Variants in PKD1L3 observed in about 807,000 individuals in gnomAD.
PKD1L3 encodes polycystin-1-like protein 3.
A neutral mutation model predicts 184.1 loss-of-function variants in PKD1L3; 239 were observed. That is an observed-to-expected ratio of 1.30 (90% CI 1.17 to 1.45). The LOEUF (loss-of-function observed/expected upper bound fraction) is 1.45. Ranked by LOEUF, PKD1L3 falls within the 40% of genes most tolerant of loss-of-function variation. PKD1L3 has a pLI of 0.00. For synonymous variants in PKD1L3, 996 were observed against 778.8 expected, an observed-to-expected ratio of 1.28 and a Z score of -4.64; for missense variants, 2,660 against 2,067.2, an observed-to-expected ratio of 1.29 and a Z score of -5.56.
At chr16:71,985,173 T>G (rs547897969) in intron 5 of PKD1L3, among the ~76,000 whole-genome samples, 1 of 152,320 alleles carries the variant, frequency 6.6e-6, no homozygotes, top group Non-Finnish European at 1.5e-5. Context: ...TTTTAGATAT[T>G]CTGTACTTCA....
chr16:71,976,378 C>G lies in PKD1L3; in HGVS notation c.1759+858G>C, dbSNP rs2039926022. On this transcript the variant is annotated intron_variant, in intron 11 of 29. Transcript: ENST00000620267. ...TTAAGCAATTCTTCTGCCTCAGCCT[C>G]CCAAGTAGCTGGGATTACAGGTGCC... is the stretch of plus-strand genomic sequence containing the variant. 2.7e-5 allele frequency among the ~76,000 whole-genome samples: 4 copies of G among 149,650 alleles called. No individual in the cohort carries two copies. In the Admixed American group the frequency reaches 2.7e-4, roughly 10 times the overall value.
At chr16:71,951,827 C>A (rs2038846394) in intron 18 of PKD1L3, 83 bp from the exon 19 acceptor site, 2 of 1,285,056 alleles carry the variant, frequency 1.6e-6, no homozygotes, top group South Asian at 1.5e-5. Flanking sequence ...TAAGGCCGTT[C>A]CCTTTCGTCA....
chr16:71,977,208 A>C (rs1240730777), intron 11 of PKD1L3, 28 bp downstream of exon 11: 8 of 1,453,180 alleles, frequency 5.5e-6, no homozygotes. Context: ...AAATCAAAGT[A>C]AGTTTCTGAC....
intron 19 of PKD1L3, 85 bp from the exon 20 acceptor site, chr16:71,950,395 G>C (rs1358552164): frequency 1.7e-6 from 2 of 1,207,048 alleles, no homozygotes; most frequent in Non-Finnish European, 2.3e-6. Flanking sequence ...TTCATTGATG[G>C]ATGATGAGGC....
chr16:71,936,704 C>G (rs1394425089), intron 25 of PKD1L3, among the ~76,000 whole-genome samples: 1 of 151,884 alleles, frequency 6.6e-6, no homozygotes, highest in Non-Finnish European at 1.5e-5. Flanking sequence ...CCAGGCTGGT[C>G]TCGAACTCCC....
At chr16:71,949,379 G>A (rs1597303366) in intron 21 of PKD1L3, among the ~76,000 whole-genome samples, 2 of 147,978 alleles carry the variant, frequency 1.4e-5, no homozygotes, top group Non-Finnish European at 3.0e-5. Context: ...TTGAGACAGG[G>A]TCTCACTCTG....
intron 15 of PKD1L3, among the ~76,000 whole-genome samples, chr16:71,966,213 A>T (rs2039496754): frequency 6.6e-6 from 1 of 151,968 alleles, no homozygotes. Context: ...TTTTTTCCTA[A>T]CTCCAAGGAA....
At chr16:71,968,596 G>T (rs150206899) in intron 13 of PKD1L3, among the ~76,000 whole-genome samples, 20 of 152,188 alleles carry the variant, frequency 1.3e-4, no homozygotes, top group Admixed American at 5.9e-4. Context: ...GTATATTATA[G>T]TTATATTCTT....
At chr16:71,945,394 ATATATTTATTTATT>A (rs756814836) in intron 22 of PKD1L3, among the ~76,000 whole-genome samples, 6 of 98,788 alleles carry the variant, frequency 6.1e-5, no homozygotes, top group Non-Finnish European at 1.0e-4. Context: ...ATATATATAT[ATATATTTATTTATT>A]TATTTATTTA....
At chr16:71,945,024 C>T (rs1002317250) in intron 22 of PKD1L3, among the ~76,000 whole-genome samples, 1 of 150,180 alleles carries the variant, frequency 6.7e-6, no homozygotes. Context: ...AAAATACAAG[C>T]CCTGTTTTTG....
intron 21 of PKD1L3, among the ~76,000 whole-genome samples, chr16:71,947,911 A>T (rs190912239): frequency 1.1e-3 from 153 of 137,250 alleles, no homozygotes; most frequent in Non-Finnish European, 1.8e-3. Flanking sequence ...TCTGATAAAG[A>T]TCCAGACTCT....
chr16:71,944,723 G>A (rs1033452748), intron 22 of PKD1L3, among the ~76,000 whole-genome samples: 30 of 62,116 alleles, frequency 4.8e-4, no homozygotes, highest in Admixed American at 3.4e-3. Context: ...TTTTTGAGAC[G>A]GAGTCTCACT....
At chr16:71,976,621 A>G (rs1342413939) in intron 11 of PKD1L3, among the ~76,000 whole-genome samples, 1 of 152,126 alleles carries the variant, frequency 6.6e-6, no homozygotes, top group Admixed American at 6.5e-5. Context: ...AATTTTTTTA[A>G]AAAAGAAAAA....
chr16:71,959,708 G>A (rs2039196462), intron 16 of PKD1L3, among the ~76,000 whole-genome samples: 1 of 152,000 alleles, frequency 6.6e-6, no homozygotes, highest in African/African-American at 2.4e-5. Flanking sequence ...AAAATTAAAA[G>A]TAACCAATAA....
At chr16:71,953,594 C>T (rs2038932970) in intron 17 of PKD1L3, among the ~76,000 whole-genome samples, 1 of 152,232 alleles carries the variant, frequency 6.6e-6, no homozygotes, top group Admixed American at 6.5e-5. Context: ...GGAACTGCCA[C>T]ACACTTTTTT....
rs540861371 is a variant in PKD1L3 at position 71,962,908 on chromosome 16, C to G, written c.2612+297G>C. Among the ~76,000 whole-genome samples, 64 of 152,206 alleles carry G rather than the reference C, an allele frequency of 4.2e-4. No individual in the cohort carries two copies. In the South Asian group the frequency reaches 6.2e-3, roughly 15 times the overall value. On this transcript the variant is annotated intron_variant, in intron 16 of 29. Coordinates refer to ENST00000620267, the MANE Select transcript of PKD1L3 (RefSeq NM_181536.2). ...GGTATCCTTTTTATATTCCATTGAT[C>G]TGAGTGATTCTTTTATTCCTAGATA...
At chr16:71,956,771 C>T (rs1396821407) in intron 16 of PKD1L3, among the ~76,000 whole-genome samples, 2 of 152,180 alleles carry the variant, frequency 1.3e-5, no homozygotes, top group East Asian at 3.8e-4. Context: ...TATACTACTA[C>T]TGCACTACAC....
chr16:71,986,110 C>T (rs1021880078), intron 5 of PKD1L3, 111 bp downstream of exon 5: 51 of 1,373,922 alleles, frequency 3.7e-5, no homozygotes, highest in East Asian at 1.8e-4. Context: ...TTGGCATATA[C>T]GCTGGTCTGT....
Position 71,975,222 on chromosome 16 carries a change from A to AT in PKD1L3, c.1760-1706dup, listed in dbSNP as rs11311844. On this transcript the variant is annotated intron_variant, in intron 11 of 29. Transcript: ENST00000620267. ...AGGTGCACGCCACCACGCTCGGCTA[A>AT]TTTTTTTTTTTTTTTTGTGGAGACA... Among the ~76,000 whole-genome samples the AT allele has an allele frequency of 4.8e-3, 669 of 139,882 alleles. 4 individuals are homozygous for AT. Among genetic ancestry groups the AT allele is most frequent in the African/African-American group, 0.014 (523 of 38,198 alleles). The allele number at this position is 139,882 out of a possible 152,430, so 91.8% of individuals were successfully genotyped here.
Sources: allele counts gnomAD v4.1 joint callset (sites outside exome capture counted in the v4.1 genomes callset), GRCh38; gene constraint gnomAD v4.1.1; transcripts MANE v1.5; gene names NCBI Gene and HGNC (gene_info 2026-07-23, HGNC 2026-07-21).